The following TNNI3K variants were observed in gnomAD, a reference collection of about 807,000 sequenced individuals.
TNNI3K encodes the protein serine/threonine-protein kinase TNNI3K.
In TNNI3K, 140 loss-of-function variants were observed where a neutral mutation model predicts 114.5. The observed-to-expected ratio is 1.22, with a 90% CI of 1.07 to 1.41. The LOEUF (loss-of-function observed/expected upper bound fraction) is 1.41, where lower values mean the gene tolerates loss of function less well. Among genes scored for constraint, TNNI3K ranks in the 40% most tolerant of loss-of-function variants. The pLI is 0.00. For synonymous variants in TNNI3K, 347 were observed against 347.5 expected (o/e 1.00, Z 0.02); for missense variants, 1,125 against 1,007.6 (o/e 1.12, Z -1.58).
At chr1:74,303,434 G>C (rs2100328939) in intron 5 of TNNI3K, among the ~76,000 whole-genome samples, 1 of 152,082 alleles carries the variant, frequency 6.6e-6, no homozygotes, top group Middle Eastern at 3.4e-3. Context: ...CAAAGTGCTG[G>C]GATTACAGGC....
At chr1:74,379,526 C>T (rs551829041) in intron 17 of TNNI3K, among the ~76,000 whole-genome samples, 3 of 151,960 alleles carry the variant, frequency 2.0e-5, no homozygotes, top group Admixed American at 1.3e-4. Context: ...AATTTCTATC[C>T]CCATTTCTGA....
At chr1:74,382,133 TA>T (rs1286078693) in intron 17 of TNNI3K, among the ~76,000 whole-genome samples, 1 of 152,212 alleles carries the variant, frequency 6.6e-6, no homozygotes, top group African/African-American at 2.4e-5. Flanking sequence ...CTTCCTTCAG[TA>T]GTGAAAGAAA....
chr1:74,417,494 T>C (rs1665174637), intron 17 of TNNI3K, among the ~76,000 whole-genome samples: 1 of 152,080 alleles, frequency 6.6e-6, no homozygotes, highest in Non-Finnish European at 1.5e-5. Flanking sequence ...TCTTCTTCTC[T>C]CTGTTCTTCA....
intron 17 of TNNI3K, among the ~76,000 whole-genome samples, chr1:74,409,643 G>A (rs947665178): frequency 2.6e-5 from 4 of 151,482 alleles, no homozygotes; most frequent in African/African-American, 9.7e-5. Flanking sequence ...ACAGGTGTCT[G>A]CGACACACCT....
chr1:74,283,691 T>C (rs1013422463), intron 5 of TNNI3K, among the ~76,000 whole-genome samples: 29 of 152,190 alleles, frequency 1.9e-4, no homozygotes, highest in African/African-American at 6.8e-4. Context: ...TAACCATTTG[T>C]GTTAATTTGC....
intron 17 of TNNI3K, among the ~76,000 whole-genome samples, chr1:74,401,635 G>C (rs1173050801): frequency 6.6e-6 from 1 of 152,256 alleles, no homozygotes; most frequent in South Asian, 2.1e-4. Flanking sequence ...TGTTGCTGGA[G>C]AGGCAATTGC....
Position 74,287,391 on chromosome 1 carries a change from A to C in TNNI3K, c.444+15683A>C, listed in dbSNP as rs914206671. ...CCCAAAGAACCCCAAAGATACAGAG[A>C]TATTCACTGAGACACATCATAATTA... On this transcript the variant is annotated intron_variant, in intron 5 of 24. Transcript: ENST00000326637. Among the ~76,000 whole-genome samples, 4 of 152,282 alleles carry C rather than the reference A, an allele frequency of 2.6e-5. No individual in the cohort carries two copies. The South Asian group carries it at 6.2e-4, about 24-fold the overall frequency.
chr1:74,499,958 T>A (rs1046631514), intron 23 of TNNI3K, among the ~76,000 whole-genome samples: 1 of 152,098 alleles, frequency 6.6e-6, no homozygotes, highest in Non-Finnish European at 1.5e-5. Context: ...GTATTTTTTC[T>A]CACCCTATCT....
chr1:74,453,858 G>T (rs1190854442), intron 20 of TNNI3K, among the ~76,000 whole-genome samples: 1 of 152,140 alleles, frequency 6.6e-6, no homozygotes, highest in African/African-American at 2.4e-5. Flanking sequence ...AGGAACGTAG[G>T]TATACCCACG....
intron 2 of TNNI3K, among the ~76,000 whole-genome samples, chr1:74,237,599 G>A (rs1308410635): frequency 6.6e-6 from 1 of 151,894 alleles, no homozygotes; most frequent in Non-Finnish European, 1.5e-5. Flanking sequence ...GATTAACAAT[G>A]GATTTAAAAT....
chr1:74,516,274 T>A (rs1344938704), intron 23 of TNNI3K, among the ~76,000 whole-genome samples: 1 of 152,236 alleles, frequency 6.6e-6, no homozygotes, highest in African/African-American at 2.4e-5. Context: ...CATTTGTTTG[T>A]TCACTCATCT....
Position 74,367,941 on chromosome 1 carries a change from G to A in TNNI3K, c.1298G>A (p.Gly433Glu). The A allele has an allele frequency of 1.3e-6, 2 of 1,569,172 alleles. No individual in the cohort carries two copies. The highest frequency in any genetic ancestry group is 8.6e-7 in the Non-Finnish European group (1 of 1,162,360). ...GSYVSVPSPL[G>E]KIKSMTKEKA... ...TATGTGTCTGTTCCATCACCCTTGG[G>A]GAAGATTAAAAGCATGACAAAAGGT... is the stretch of plus-strand genomic sequence containing the variant. Residue 433 changes from glycine (G) to glutamate (E), a missense_variant, in exon 13 of 25, where the codon GGG becomes GAG. By Grantham distance (98) the Gly-to-Glu change is moderately conservative. Coordinates refer to ENST00000326637, the MANE Select transcript of TNNI3K (RefSeq NM_015978.3).
At chr1:74,442,646 G>A (rs1557568524) in intron 20 of TNNI3K, among the ~76,000 whole-genome samples, 1 of 151,990 alleles carries the variant, frequency 6.6e-6, no homozygotes, top group African/African-American at 2.4e-5. Flanking sequence ...TACATAATTT[G>A]TTATATATTT....
chr1:74,323,422 A>G (rs1444277433), intron 5 of TNNI3K, among the ~76,000 whole-genome samples: 1 of 151,784 alleles, frequency 6.6e-6, no homozygotes, highest in African/African-American at 2.4e-5. Flanking sequence ...TAAATGAAAT[A>G]GATATTCTTG....
rs889527267 is a variant in TNNI3K, at chr1:74,490,065, A to C, written c.2181+817A>C. Among the ~76,000 whole-genome samples, 437 of 150,956 alleles carry C rather than the reference A, an allele frequency of 2.9e-3. 2 individuals carry two copies. The highest frequency in any genetic ancestry group is 0.01 in the African/African-American group (427 of 41,302). ...TTTTTTTTTCTAAAAAAAAAAAAAAAAAAAAAAAAAACTCAACTAAGAGTC... is the reference window on the plus strand; with the variant it reads ...TTTTTTTTTCTAAAAAAAAAAAAAACAAAAAAAAAAACTCAACTAAGAGTC... On this transcript the variant is annotated intron_variant, in intron 22 of 24. Transcript: ENST00000326637.
intron 23 of TNNI3K, among the ~76,000 whole-genome samples, chr1:74,511,592 T>G (rs1670227978): frequency 6.6e-6 from 1 of 152,268 alleles, no homozygotes; most frequent in South Asian, 2.1e-4. Context: ...GCAGCTCTTA[T>G]ATATTGAATC....
At chr1:74,485,389 A>C (rs1187500396) in intron 21 of TNNI3K, among the ~76,000 whole-genome samples, 1 of 152,100 alleles carries the variant, frequency 6.6e-6, no homozygotes, top group East Asian at 1.9e-4. Context: ...GGCCTCATGG[A>C]TGTGTGGTTC....
intron 17 of TNNI3K, among the ~76,000 whole-genome samples, 165 bp from the exon 18 acceptor site, chr1:74,435,914 GT>G (rs1666100810): frequency 6.6e-6 from 1 of 151,972 alleles, no homozygotes; most frequent in African/African-American, 2.4e-5. Context: ...ATAAATAGCT[GT>G]TTTGAATCAG....
At chr1:74,302,703 T>C (rs1180256421) in intron 5 of TNNI3K, among the ~76,000 whole-genome samples, 4 of 152,218 alleles carry the variant, frequency 2.6e-5, no homozygotes, top group Non-Finnish European at 5.9e-5. Context: ...TTTTCAATTC[T>C]ATGAAGGATG....
Sources: gnomAD v4.1 joint callset for allele counts (sites outside exome capture counted in the v4.1 genomes callset) on GRCh38, gnomAD v4.1.1 for gene constraint, MANE v1.5 for transcripts, NCBI Gene and HGNC (gene_info 2026-07-23, HGNC 2026-07-21) for gene names.